ELMO1: variants seen among roughly 807,000 people sequenced by gnomAD.
ELMO1 encodes the protein engulfment and cell motility 1.
A neutral mutation model predicts 98.9 loss-of-function variants in ELMO1; 26 were observed. That is an observed-to-expected ratio of 0.26 (90% confidence interval 0.19 to 0.36). The LOEUF (loss-of-function observed/expected upper bound fraction) is 0.36. Among genes scored for constraint, ELMO1 ranks in the 10% least tolerant of loss-of-function variants. ELMO1 has a pLI of 1.00. For synonymous variants in ELMO1, 346 were observed against 346.0 expected (o/e 1.00, Z 0.00); for missense variants, 627 against 935.2 (o/e 0.67, Z 4.30).
intron 15 of ELMO1, among the ~76,000 whole-genome samples, chr7:37,059,617 C>A (rs955233854): frequency 1.3e-5 from 2 of 152,176 alleles, no homozygotes; most frequent in African/African-American, 4.8e-5. Context: ...GAAGGAGATT[C>A]AGACTTTAAT....
chr7:37,369,652 G>C (rs1200937889), intron 1 of ELMO1, among the ~76,000 whole-genome samples: 1 of 140,122 alleles, frequency 7.1e-6, no homozygotes, highest in South Asian at 2.3e-4. Context: ...TCTTAAGCAA[G>C]CTATATATAG....
rs568424990 is a variant in ELMO1, at chr7:37,039,611, T to C, written c.1301-26176A>G. ...CACAAACCCTTCAACATTGTCCTTA[T>C]GGAAACAGGGAAGCAGAAGCTGTTT... On this transcript the variant is annotated intron_variant, in intron 15 of 21. Coordinates refer to ENST00000310758, the MANE Select transcript of ELMO1 (RefSeq NM_014800.11). Among the ~76,000 whole-genome samples, 5 of 152,320 alleles carry C rather than the reference T, an allele frequency of 3.3e-5. No individual in the cohort carries two copies. The East Asian group carries it at 7.7e-4, about 23-fold the overall frequency.
At chr7:36,972,075 G>T (rs573707453) in intron 16 of ELMO1, among the ~76,000 whole-genome samples, 1 of 152,010 alleles carries the variant, frequency 6.6e-6, no homozygotes, top group East Asian at 1.9e-4. Flanking sequence ...TTTCATTGTC[G>T]AGCACTTATT....
At chr7:37,262,482 C>T (rs1796024731) in intron 5 of ELMO1, among the ~76,000 whole-genome samples, 1 of 152,172 alleles carries the variant, frequency 6.6e-6, no homozygotes, top group African/African-American at 2.4e-5. Context: ...CAGAACTATT[C>T]ACCCCTCTCC....
At chr7:37,042,005 C>A (rs1333646541) in intron 15 of ELMO1, among the ~76,000 whole-genome samples, 1 of 151,776 alleles carries the variant, frequency 6.6e-6, no homozygotes, top group Non-Finnish European at 1.5e-5. Context: ...AGTTACATGG[C>A]CGGGCATGGT....
At chr7:36,982,539 A>C (rs927973026) in intron 16 of ELMO1, among the ~76,000 whole-genome samples, 7 of 152,174 alleles carry the variant, frequency 4.6e-5, no homozygotes, top group African/African-American at 1.4e-4. Context: ...CCTGTAGTAC[A>C]TTTTTTGTAG....
intron 1 of ELMO1, among the ~76,000 whole-genome samples, chr7:37,388,712 G>A (rs1802929550): frequency 6.6e-6 from 1 of 151,924 alleles, no homozygotes; most frequent in South Asian, 2.1e-4. Flanking sequence ...GAGGTAGGAG[G>A]AGATCTCTTG....
At chr7:37,406,949 G>A (rs982825688) in intron 1 of ELMO1, among the ~76,000 whole-genome samples, 1 of 152,184 alleles carries the variant, frequency 6.6e-6, no homozygotes, top group Non-Finnish European at 1.5e-5. Context: ...GTAAGAATTT[G>A]TAGTAAACAG....
chr7:37,439,917 G>C (rs1805322164), intron 1 of ELMO1, among the ~76,000 whole-genome samples: 1 of 152,124 alleles, frequency 6.6e-6, no homozygotes, highest in African/African-American at 2.4e-5. Flanking sequence ...GAGAAAACAG[G>C]ATTTAGCAGC....
In ELMO1 at chr7:37,201,280, A is replaced by G. The variant is rs143161644; in HGVS notation, c.1086+10106T>C. On this transcript the variant is annotated intron_variant, in intron 13 of 21. Transcript: ENST00000310758. ...GCCCTCCTCACGTTATTACTGTCAC[A>G]TATTTTAATAATGGGACAGTACTTT... is the stretch of plus-strand genomic sequence containing the variant. Among the ~76,000 whole-genome samples, 420 of 152,324 alleles carry G rather than the reference A, an allele frequency of 2.8e-3. 1 individual carries two copies. Among genetic ancestry groups the G allele is most frequent in the African/African-American group, 9.7e-3 (402 of 41,568 alleles).
intron 16 of ELMO1, among the ~76,000 whole-genome samples, chr7:37,008,166 A>G (rs2129168888): frequency 6.6e-6 from 1 of 152,384 alleles, no homozygotes; most frequent in Middle Eastern, 3.4e-3. Flanking sequence ...GATAGCGTCT[A>G]AAGTAACGCC....
chr7:37,369,931 G>C (rs530019411), intron 1 of ELMO1, among the ~76,000 whole-genome samples: 2 of 152,016 alleles, frequency 1.3e-5, no homozygotes, highest in African/African-American at 2.4e-5. Flanking sequence ...CTTACTATTC[G>C]AAGCACCAGG....
intron 4 of ELMO1, among the ~76,000 whole-genome samples, chr7:37,295,296 G>T (rs1797976070): frequency 1.3e-5 from 2 of 152,144 alleles, no homozygotes; most frequent in South Asian, 4.1e-4. Flanking sequence ...AAAACAGTAG[G>T]CAAAATGTTA....
At chr7:37,156,030 C>G (rs2129324072) in intron 13 of ELMO1, among the ~76,000 whole-genome samples, 1 of 152,322 alleles carries the variant, frequency 6.6e-6, no homozygotes, top group Non-Finnish European at 1.5e-5. Flanking sequence ...TCACTCAAAA[C>G]TGCACAACTA....
At chr7:37,262,618 G>A (rs1300264562) in intron 5 of ELMO1, among the ~76,000 whole-genome samples, 1 of 152,180 alleles carries the variant, frequency 6.6e-6, no homozygotes, top group Non-Finnish European at 1.5e-5. Flanking sequence ...TTTAAAAAGT[G>A]CAGTTCCCAC....
intron 2 of ELMO1, among the ~76,000 whole-genome samples, chr7:37,336,232 A>G (rs1457635811): frequency 1.3e-5 from 2 of 152,056 alleles, no homozygotes; most frequent in Admixed American, 6.6e-5. Context: ...CGTCAAGGAA[A>G]AAAAAAAAGA....
intron 7 of ELMO1, among the ~76,000 whole-genome samples, chr7:37,241,077 G>T (rs1056893678): frequency 6.6e-6 from 1 of 151,856 alleles, no homozygotes; most frequent in African/African-American, 2.4e-5. Flanking sequence ...TATGCTGATG[G>T]GTTTGCCTCT....
intron 14 of ELMO1, among the ~76,000 whole-genome samples, chr7:37,116,565 C>T (rs1485062420): frequency 6.6e-6 from 1 of 151,996 alleles, no homozygotes; most frequent in Non-Finnish European, 1.5e-5. Flanking sequence ...TCACATTAGA[C>T]TTGTGTTTAC....
intron 7 of ELMO1, among the ~76,000 whole-genome samples, chr7:37,243,567 C>G (rs1794856189): frequency 6.6e-6 from 1 of 152,168 alleles, no homozygotes; most frequent in Non-Finnish European, 1.5e-5. Flanking sequence ...ATTCCTGCAA[C>G]TCATACTTTT....
Sources: gnomAD v4.1 joint callset for allele counts (sites outside exome capture counted in the v4.1 genomes callset) on GRCh38, gnomAD v4.1.1 for gene constraint, MANE v1.5 for transcripts, NCBI Gene and HGNC (gene_info 2026-07-23, HGNC 2026-07-21) for gene names.